KANK1: variants seen among roughly 807,000 people sequenced by gnomAD.
KANK1 encodes the protein KN motif and ankyrin repeat domains 1.
KANK1 carries 109 observed loss-of-function variants against 106.2 expected under a neutral mutation model. That is an observed-to-expected ratio of 1.03 (90% CI 0.88 to 1.20). KANK1 has a LOEUF of 1.20. KANK1 is among the 50% of genes most tolerant of loss of function. KANK1 has a pLI of 0.00. For synonymous variants in KANK1, 873 were observed against 652.2 expected (o/e 1.34, Z -5.16); for missense variants, 2,399 against 1,710.7 (o/e 1.40, Z -7.10).
At chr9:692,903 G>A (rs1319058992) in intron 2 of KANK1, among the ~76,000 whole-genome samples, 1 of 152,134 alleles carries the variant, frequency 6.6e-6, no homozygotes, top group Non-Finnish European at 1.5e-5. Context: ...TCTGGAGGCT[G>A]AGGTGGGAGG....
chr9:629,735 C>G (rs888115632), intron 1 of KANK1, among the ~76,000 whole-genome samples: 2 of 152,078 alleles, frequency 1.3e-5, no homozygotes. Context: ...AGATATAACA[C>G]CTTGTATACG....
chr9:611,793 A>T (rs1042213902), intron 1 of KANK1, among the ~76,000 whole-genome samples: 4 of 152,112 alleles, frequency 2.6e-5, no homozygotes, highest in African/African-American at 9.7e-5. Flanking sequence ...GTCTCAGCTC[A>T]CTGCAACCTC....
intron 1 of KANK1, among the ~76,000 whole-genome samples, chr9:639,054 T>C (rs897715374): frequency 6.6e-6 from 1 of 152,178 alleles, no homozygotes; most frequent in Non-Finnish European, 1.5e-5. Context: ...GTGTAAGTCT[T>C]ACCTTCCTAC....
intron 2 of KANK1, among the ~76,000 whole-genome samples, chr9:687,529 A>G (rs972945196): frequency 4.6e-5 from 7 of 152,182 alleles, no homozygotes; most frequent in Non-Finnish European, 8.8e-5. Context: ...ACAGGTACTC[A>G]GAGACCAGCT....
At chr9:475,008 C>G (rs2058079866) in intron 3 of KANK1, among the ~76,000 whole-genome samples, 1 of 152,104 alleles carries the variant, frequency 6.6e-6, no homozygotes, top group Non-Finnish European at 1.5e-5. Flanking sequence ...AGGTGATGGT[C>G]ACATGGTTGT....
rs547216607 is a variant in KANK1 at position 695,572 on chromosome 9, G to A, written c.38-15232G>A. Among the ~76,000 whole-genome samples the A allele has an allele frequency of 4.6e-5, 7 of 150,660 alleles. No individual in the cohort carries two copies. The East Asian group carries it at 1.2e-3, about 26-fold the overall frequency. On this transcript the variant is annotated intron_variant, in intron 2 of 11. Coordinates refer to ENST00000382297, the MANE Select transcript of KANK1 (RefSeq NM_015158.5). ...GATTTTAGCAGACTTACTTGGTCTT[G>A]AACAAGTATCACAAATACCTTAAAC...
At chr9:692,582 T>A (rs941436561) in intron 2 of KANK1, among the ~76,000 whole-genome samples, 1 of 151,934 alleles carries the variant, frequency 6.6e-6, no homozygotes, top group Admixed American at 6.6e-5. Flanking sequence ...AAGTGTATGG[T>A]TTGATAAGTT....
At chr9:505,153 T>A (rs1383823101) in intron 1 of KANK1, among the ~76,000 whole-genome samples, 1 of 152,092 alleles carries the variant, frequency 6.6e-6, no homozygotes, top group African/African-American at 2.4e-5. Context: ...GTCCCTCGGA[T>A]GCCTCTGGGC....
chr9:643,865 G>C (rs1307938231), intron 1 of KANK1, among the ~76,000 whole-genome samples: 2 of 149,902 alleles, frequency 1.3e-5, no homozygotes, highest in Non-Finnish European at 2.9e-5. Context: ...ACTGTGCCCG[G>C]CTAATTTTTG....
intron 1 of KANK1, among the ~76,000 whole-genome samples, chr9:545,159 G>A (rs760355925): frequency 6.6e-6 from 1 of 151,606 alleles, no homozygotes; most frequent in African/African-American, 2.4e-5. Context: ...TCAGTATGGC[G>A]GTTGAGGAGG....
At chr9:739,142 TGAGG>T (rs1834638377) in intron 8 of KANK1, among the ~76,000 whole-genome samples, 3 of 152,154 alleles carry the variant, frequency 2.0e-5, no homozygotes, top group African/African-American at 7.2e-5. Context: ...AGACATGAAG[TGAGG>T]GAGGGGCACA....
intron 1 of KANK1, among the ~76,000 whole-genome samples, chr9:538,863 A>G (rs1161219158): frequency 1.3e-5 from 2 of 152,164 alleles, no homozygotes. Flanking sequence ...TTTTGTTTGA[A>G]AATTTTCCAG....
At chr9:544,977 G>A (rs954400349) in intron 1 of KANK1, among the ~76,000 whole-genome samples, 2 of 152,144 alleles carry the variant, frequency 1.3e-5, no homozygotes, top group East Asian at 1.9e-4. Flanking sequence ...GCCTGAGAAC[G>A]GAGGCACCTG....
At position 734,846 on chromosome 9, in the gene KANK1, C is replaced by T; in HGVS notation, c.3333+11C>T. ...ACCAGCAAAGATATGGTGAGTCTGA[C>T]CTGCAAACACCATCCCCAGTGTGTA... On this transcript the variant is annotated intron_variant, in intron 7 of 11. Transcript: ENST00000382297. 6.3e-7 allele frequency: 1 copy of T among 1,588,712 alleles called. No homozygotes were observed. Among genetic ancestry groups the T allele is most frequent in the Non-Finnish European group, 8.6e-7 (1 of 1,156,910 alleles).
intron 3 of KANK1, among the ~76,000 whole-genome samples, chr9:498,666 G>A (rs2058496205): frequency 6.6e-6 from 1 of 152,068 alleles, no homozygotes; most frequent in South Asian, 2.1e-4. Context: ...TATACAAATG[G>A]CCAATACGAA....
At chr9:608,307 G>A (rs1181299746) in intron 1 of KANK1, among the ~76,000 whole-genome samples, 2 of 151,626 alleles carry the variant, frequency 1.3e-5, no homozygotes, top group East Asian at 3.9e-4. Flanking sequence ...AAAGTGCTGG[G>A]ATTACAGGCG....
chr9:634,180 C>G (rs1009771667), intron 1 of KANK1, among the ~76,000 whole-genome samples: 3 of 152,198 alleles, frequency 2.0e-5, no homozygotes, highest in Non-Finnish European at 4.4e-5. Context: ...TTATTCAAAT[C>G]AATCTCCCCA....
chr9:542,029 C>G (rs577156562), intron 1 of KANK1, among the ~76,000 whole-genome samples: 1 of 151,536 alleles, frequency 6.6e-6, no homozygotes, highest in Non-Finnish European at 1.5e-5. Context: ...GCGGAGCTTG[C>G]AGTGAGCCGA....
chr9:685,550 T>A lies in KANK1; in HGVS notation c.37+8541T>A, dbSNP rs531089498. On this transcript the variant is annotated intron_variant, in intron 2 of 11. Coordinates refer to ENST00000382297, the MANE Select transcript of KANK1 (RefSeq NM_015158.5). ...TACCTTGTTTATGGCCAGATTTGCC[T>A]GATCCCTGATTTCCCTCCCAACTGG... is the stretch of plus-strand genomic sequence containing the variant. 4 of 152,246 alleles carry A rather than the reference T, an allele frequency of 2.6e-5. No homozygotes were observed. In the East Asian group the frequency reaches 5.8e-4, roughly 22 times the overall value. The allele number at this position is 152,246 out of a possible 1,614,324, so 9.4% of individuals were successfully genotyped here. A position where few individuals can be genotyped will look rare whatever the true frequency, so the allele number is the denominator to read the frequency against.
Sources: gnomAD v4.1 joint callset for allele counts (sites outside exome capture counted in the v4.1 genomes callset) on GRCh38, gnomAD v4.1.1 for gene constraint, MANE v1.5 for transcripts, NCBI Gene and HGNC (gene_info 2026-07-23, HGNC 2026-07-21) for gene names.